The following CSMD1 variants were observed in gnomAD, a reference collection of about 807,000 sequenced individuals.
CSMD1 encodes the protein CUB and sushi domain-containing protein 1.
Under a neutral mutation model 417.5 loss-of-function variants are expected in CSMD1, and 213 were observed. The ratio of observed to expected loss-of-function variants is 0.51; its 90% CI spans 0.46 to 0.57. CSMD1 has a LOEUF of 0.57. CSMD1 is among the 20% of genes least tolerant of loss of function. The probability of loss-of-function intolerance (pLI) is 0.00; values close to 1 mark genes in which losing one functional copy is unlikely to be tolerated. For synonymous variants in CSMD1, 2,862 were observed against 1,736.8 expected, an observed-to-expected ratio of 1.65 and a Z score of -16.11; for missense variants, 6,923 against 4,529.7, an observed-to-expected ratio of 1.53 and a Z score of -15.17.
intron 1 of CSMD1, among the ~76,000 whole-genome samples, chr8:4,798,046 G>A (rs1255903960): frequency 6.6e-6 from 1 of 152,146 alleles, no homozygotes; most frequent in African/African-American, 2.4e-5. Flanking sequence ...AAGTTCTAGG[G>A]TACATGCGCA....
intron 1 of CSMD1, among the ~76,000 whole-genome samples, chr8:4,645,353 G>C (rs1463843576): frequency 7.2e-6 from 1 of 139,420 alleles, no homozygotes; most frequent in African/African-American, 2.7e-5. Flanking sequence ...TTCACCTACT[G>C]AGAAATTGTT....
chr8:4,494,595 C>A (rs779331025), intron 2 of CSMD1, among the ~76,000 whole-genome samples: 1 of 152,058 alleles, frequency 6.6e-6, no homozygotes, highest in Non-Finnish European at 1.5e-5. Flanking sequence ...TAAAACTTCA[C>A]AAATTACACT....
chr8:3,876,101 C>A (rs941281343), intron 5 of CSMD1, among the ~76,000 whole-genome samples: 3 of 151,836 alleles, frequency 2.0e-5, no homozygotes, highest in African/African-American at 7.3e-5. Context: ...TATTTGTTTT[C>A]TTCCTTTTAA....
rs113366983 is a variant in CSMD1 at position 3,723,307 on chromosome 8, A to G, written c.932-14816T>C. Among the ~76,000 whole-genome samples, 76 of 152,292 alleles carry G rather than the reference A, an allele frequency of 5.0e-4. 1 individual carries two copies. The South Asian group carries it at 6.4e-3, about 13-fold the overall frequency. ...CACTCAAAACCTCTTCTCAGGAAAA[A>G]GTCCCTTTTAAGGGCTCATTTGATT... On this transcript the variant is annotated intron_variant, in intron 6 of 69. Coordinates refer to ENST00000635120, the MANE Select transcript of CSMD1 (RefSeq NM_033225.6).
rs574789799 is a variant in CSMD1 at position 4,301,408 on chromosome 8, A to G, written c.415+118545T>C. The stretch of plus-strand genomic sequence containing the variant: ...GCTTTGATTCTGTTGTGTCTCCAGG[A>G]TGGTACTGGGAAAGATATGTTTTAT... On this transcript the variant is annotated intron_variant, in intron 3 of 69. Coordinates refer to ENST00000635120, the MANE Select transcript of CSMD1 (RefSeq NM_033225.6). Among the ~76,000 whole-genome samples the G allele has an allele frequency of 7.2e-5, 11 of 152,260 alleles. No homozygotes were observed. In the South Asian group the frequency reaches 2.3e-3, roughly 32 times the overall value.
intron 68 of CSMD1, among the ~76,000 whole-genome samples, chr8:2,944,608 T>G (rs759234601): frequency 2.6e-5 from 4 of 152,194 alleles, no homozygotes; most frequent in African/African-American, 4.8e-5. Context: ...TGGTTTCGTT[T>G]GGTTTGGGTA....
chr8:3,601,731 T>C (rs1326079361), intron 8 of CSMD1, among the ~76,000 whole-genome samples: 4 of 152,202 alleles, frequency 2.6e-5, no homozygotes, highest in Admixed American at 6.5e-5. Context: ...GCAGTGAACA[T>C]TGAATAACAA....
chr8:3,091,234 T>C (rs1336626531), intron 48 of CSMD1, among the ~76,000 whole-genome samples: 2 of 152,006 alleles, frequency 1.3e-5, no homozygotes, highest in African/African-American at 2.4e-5. Flanking sequence ...TTAATTTTGA[T>C]TATATTAGTT....
At chr8:3,533,323 T>C (rs1294198885) in intron 10 of CSMD1, among the ~76,000 whole-genome samples, 2 of 152,228 alleles carry the variant, frequency 1.3e-5, no homozygotes, top group African/African-American at 2.4e-5. Context: ...ACCGAGATTG[T>C]ACAGCAGATC....
At chr8:3,842,984 T>A (rs775312723) in intron 5 of CSMD1, among the ~76,000 whole-genome samples, 1 of 152,202 alleles carries the variant, frequency 6.6e-6, no homozygotes, top group Non-Finnish European at 1.5e-5. Flanking sequence ...TTGTTTAGTT[T>A]GCTCAGTTTG....
intron 26 of CSMD1, among the ~76,000 whole-genome samples, 171 bp from the exon 27 acceptor site, chr8:3,230,402 T>C (rs538506346): frequency 6.0e-4 from 91 of 152,354 alleles, no homozygotes; most frequent in African/African-American, 2.2e-3. Flanking sequence ...TTCAATAACA[T>C]ACATCTTCAT....
At chr8:4,890,859 A>T (rs1043428165) in intron 1 of CSMD1, among the ~76,000 whole-genome samples, 1 of 152,126 alleles carries the variant, frequency 6.6e-6, no homozygotes, top group Non-Finnish European at 1.5e-5. Flanking sequence ...GATCACATTG[A>T]GTGACAAGAA....
chr8:3,414,301 C>T (rs993401441), intron 12 of CSMD1, among the ~76,000 whole-genome samples: 2 of 144,658 alleles, frequency 1.4e-5, no homozygotes, highest in African/African-American at 5.1e-5. Context: ...AATGAAGGGG[C>T]CTACGGAAAA....
intron 5 of CSMD1, among the ~76,000 whole-genome samples, chr8:3,915,301 G>A (rs187959753): frequency 1.3e-5 from 2 of 150,072 alleles, no homozygotes; most frequent in Non-Finnish European, 3.0e-5. Flanking sequence ...AGCTATTCAG[G>A]AGTCTAAGGC....
chr8:3,837,278 G>A (rs945777231), intron 5 of CSMD1, among the ~76,000 whole-genome samples: 1 of 152,098 alleles, frequency 6.6e-6, no homozygotes, highest in African/African-American at 2.4e-5. Flanking sequence ...TTATTAGATA[G>A]ATGAATCTCT....
intron 2 of CSMD1, among the ~76,000 whole-genome samples, chr8:4,421,202 A>G (rs1797232678): frequency 2.0e-5 from 3 of 152,308 alleles, no homozygotes; most frequent in Non-Finnish European, 2.9e-5. Context: ...CGAACGCAAT[A>G]CAGAAGACAA....
intron 1 of CSMD1, among the ~76,000 whole-genome samples, chr8:4,717,586 A>ATCCATCCATCCATC (rs1563209046): frequency 1.4e-5 from 2 of 146,924 alleles, no homozygotes; most frequent in African/African-American, 2.5e-5. Flanking sequence ...ATCCATCCAT[A>ATCCATCCATCCATC]CATCCATCCA....
intron 3 of CSMD1, among the ~76,000 whole-genome samples, chr8:4,401,609 G>T (rs776980540): frequency 6.6e-6 from 1 of 151,980 alleles, no homozygotes; most frequent in Non-Finnish European, 1.5e-5. Context: ...TGTCACCTCG[G>T]TCACCACAAG....
chr8:3,089,698 G>A (rs1585320132), intron 48 of CSMD1, among the ~76,000 whole-genome samples: 1 of 152,134 alleles, frequency 6.6e-6, no homozygotes, highest in East Asian at 1.9e-4. Flanking sequence ...CTGTGAGATA[G>A]ATAAAGAATT....
Sources: gnomAD v4.1 joint callset for allele counts (sites outside exome capture counted in the v4.1 genomes callset) on GRCh38, gnomAD v4.1.1 for gene constraint, MANE v1.5 for transcripts, NCBI Gene and HGNC (gene_info 2026-07-23, HGNC 2026-07-21) for gene names.